Variants in CNOT3 observed in about 807,000 individuals in gnomAD.
The protein encoded by CNOT3 is CCR4-NOT transcription complex subunit 3.
In CNOT3, 2 loss-of-function variants were observed where a neutral mutation model predicts 89.4. The ratio of observed to expected loss-of-function variants is 0.02; its 90% CI spans 0.01 to 0.07. The LOEUF (loss-of-function observed/expected upper bound fraction) is 0.07. CNOT3 is among the 10% of genes least tolerant of loss of function. CNOT3 has a pLI of 1.00. For synonymous variants in CNOT3, 486 were observed against 402.0 expected (o/e 1.21, Z -2.50); for missense variants, 664 against 1,010.2 (o/e 0.66, Z 4.65).
chr19:54,153,913 T>C, intron 17 of CNOT3, 73 bp downstream of exon 17: 1 of 1,594,790 alleles, frequency 6.3e-7, no homozygotes, highest in Non-Finnish European at 8.6e-7. Context: ...CAGCCCCTGC[T>C]GGCCTCTGCT....
In CNOT3 at chr19:54,144,211, G is replaced by GCTTCCT. The variant is rs201464231; in HGVS notation, c.388-17_388-12dup. The GCTTCCT allele has an allele frequency of 2.5e-3, 4,014 of 1,613,726 alleles. 101 individuals are homozygous for GCTTCCT. In the African/African-American group the frequency reaches 0.044, roughly 18 times the overall value. ...GTGTAGGCGGAACCCTAGCTGATGG[G>GCTTCCT]CTTCCTCTTCCTCTCCCTCCCCTAG... On this transcript the variant is annotated intron_variant, in intron 6 of 17. Coordinates refer to ENST00000221232, the MANE Select transcript of CNOT3 (RefSeq NM_014516.4). The surrounding 1 kb of genome is among the most constrained non-coding windows in gnomAD (Gnocchi z 4.8).
chr19:54,147,248 A>T lies in CNOT3; in HGVS notation c.894+591A>T, dbSNP rs776609855. On this transcript the variant is annotated intron_variant, in intron 10 of 17. Coordinates refer to ENST00000221232, the MANE Select transcript of CNOT3 (RefSeq NM_014516.4). Reference sequence around the variant, plus strand: ...AGCACGCTTTCGGAAACGCTGCTACAGAACAATGTTAGGCAGGAGCAGCAT... The same window carrying T: ...AGCACGCTTTCGGAAACGCTGCTACTGAACAATGTTAGGCAGGAGCAGCAT... Among the ~76,000 whole-genome samples, 133 of 152,380 alleles carry T rather than the reference A, an allele frequency of 8.7e-4. 1 individual carries two copies. The highest frequency in any genetic ancestry group is 3.4e-3 in the Middle Eastern group (1 of 292).
Position 54,145,675 on chromosome 19 carries a change from G to C in CNOT3, c.561G>C (p.Leu187=), listed in dbSNP as rs200727273. The change falls in exon 8 of 18, where the codon CTG becomes CTC. Residue 187 remains leucine (L), a synonymous_variant. Coordinates refer to ENST00000221232, the MANE Select transcript of CNOT3 (RefSeq NM_014516.4). This position sits in a 1 kb window ranked among gnomAD's most constrained non-coding sequence, Gnocchi z 5.9. ...RYHVRMLETI[L]RMLDNDSILV... ...ACGTGCGCATGCTAGAGACCATCCT[G>C]CGCATGCTGGACAATGACTCCATCC... 15 of 1,613,574 alleles carry C rather than the reference G, an allele frequency of 9.3e-6. No homozygotes were observed. Among genetic ancestry groups the C allele is most frequent in the Non-Finnish European group, 1.3e-5 (15 of 1,179,618 alleles).
At chr19:54,143,957 G>A in intron 5 of CNOT3, 49 bp from the exon 6 acceptor site, 1 of 1,580,572 alleles carries the variant, frequency 6.3e-7, no homozygotes, top group East Asian at 2.2e-5. Context: ...CCCTTAGTCA[G>A]CTCCTTTCCC....
intron 17 of CNOT3, chr19:54,154,208 G>A (rs2075298680): frequency 4.7e-6 from 2 of 428,688 alleles, no homozygotes; most frequent in Non-Finnish European, 9.1e-6. Flanking sequence ...GAGGGACCTT[G>A]ATGGCCCCCA....
At chr19:54,147,598 C>T (rs36663) in intron 10 of CNOT3, among the ~76,000 whole-genome samples, 2 of 152,018 alleles carry the variant, frequency 1.3e-5, no homozygotes, top group African/African-American at 4.8e-5. Flanking sequence ...CTCAGCAGCC[C>T]GAGTGCTGTC....
At chr19:54,146,913 C>T (rs2074704861) in intron 10 of CNOT3, among the ~76,000 whole-genome samples, 1 of 152,180 alleles carries the variant, frequency 6.6e-6, no homozygotes, top group Non-Finnish European at 1.5e-5. Context: ...CTGGGCTTCA[C>T]AGTCAGGTGA....
Position 54,148,816 on chromosome 19 carries a change from CG to C in CNOT3, c.1406+74del. The C allele has an allele frequency of 6.7e-7, 1 of 1,484,722 alleles. No homozygotes were observed. Among genetic ancestry groups the C allele is most frequent in the East Asian group, 2.4e-5 (1 of 42,104 alleles). 92.0% of individuals were successfully genotyped at this position (1,484,722 alleles called of 1,614,324 possible). On this transcript the variant is annotated intron_variant, in intron 12 of 17. Transcript: ENST00000221232. The surrounding 1 kb of genome is among the most constrained non-coding windows in gnomAD (Gnocchi z 6.3). The stretch of plus-strand genomic sequence containing the variant: ...CAGAGAGGCGCAGGCGCCTCACCCC[CG>C]CATCGGTGGGTTCTGAACCCCCCGC...
chr19:54,148,315 C>A lies in CNOT3; in HGVS notation c.1062C>A (p.Gly354=). 2 of 1,604,256 alleles carry A rather than the reference C, an allele frequency of 1.2e-6. No individual in the cohort carries two copies. Among genetic ancestry groups the A allele is most frequent in the Non-Finnish European group, 1.7e-6 (2 of 1,174,686 alleles). ...CCGCAGCACCCCCAAGTGCCCTGGG[C>A]CCCAAGGCCAGTCCAGCTCCCAGCC... is the stretch of plus-strand genomic sequence containing the variant. The part of the protein sequence containing the change: ...PAPAAPPSAL[G]PKASPAPSHN... Residue 354 remains glycine, a synonymous_variant, in exon 11 of 18, where the codon GGC becomes GGA. Coordinates refer to ENST00000221232, the MANE Select transcript of CNOT3 (RefSeq NM_014516.4). The surrounding 1 kb of genome is among the most constrained non-coding windows in gnomAD (Gnocchi z 6.3).
At chr19:54,151,389 A>AGC (rs1470318637) in intron 13 of CNOT3, among the ~76,000 whole-genome samples, 1 of 152,026 alleles carries the variant, frequency 6.6e-6, no homozygotes, top group Non-Finnish European at 1.5e-5. Flanking sequence ...CAGGGAAGGG[A>AGC]GCCATCCAGT....
intron 17 of CNOT3, 64 bp from the exon 18 acceptor site, chr19:54,155,245 T>C: frequency 6.3e-7 from 1 of 1,591,928 alleles, no homozygotes. Context: ...CTTTGTCTGT[T>C]GGTCCGGCCC....
intron 9 of CNOT3, 115 bp from the exon 10 acceptor site, chr19:54,146,486 T>G: frequency 1.3e-6 from 1 of 743,416 alleles, no homozygotes. Flanking sequence ...TGACCAGCTC[T>G]GGGGCCGCAA....
At chr19:54,146,160 G>A in intron 9 of CNOT3, 117 bp downstream of exon 9, 1 of 1,108,706 alleles carries the variant, frequency 9.0e-7, no homozygotes, top group Non-Finnish European at 1.3e-6. Flanking sequence ...ACAGATCTAG[G>A]TATCCAGGGT....
chr19:54,153,353 T>C lies in CNOT3; in HGVS notation c.2037+354T>C, dbSNP rs372946881. 35 of 760,634 alleles carry C rather than the reference T, an allele frequency of 4.6e-5. No homozygotes were observed. The East Asian group carries it at 7.2e-4, about 16-fold the overall frequency. The allele number at this position is 760,634 out of a possible 1,614,324, so 47.1% of individuals were successfully genotyped here. A position where few individuals can be genotyped will look rare whatever the true frequency, so the allele number is the denominator to read the frequency against. On this transcript the variant is annotated intron_variant, in intron 16 of 17. Coordinates refer to ENST00000221232, the MANE Select transcript of CNOT3 (RefSeq NM_014516.4). Reference sequence around the variant, plus strand: ...TCATTGGCACATTCTCAGGCCTCCCTGGAGACCACTGGGGAGCTGTCCAGC... The same window carrying C: ...TCATTGGCACATTCTCAGGCCTCCCCGGAGACCACTGGGGAGCTGTCCAGC...
chr19:54,155,105 T>C, intron 17 of CNOT3: 1 of 607,308 alleles, frequency 1.6e-6, no homozygotes, highest in Non-Finnish European at 2.8e-6. Flanking sequence ...GCCCCCTCCG[T>C]TTCCTCCTCG....
Position 54,148,203 on chromosome 19 carries a change from C to T in CNOT3, c.950C>T (p.Pro317Leu). Residue 317 changes from proline (P) to leucine (L), a missense_variant, in exon 11 of 18, where the codon CCA becomes CTA. Coordinates refer to ENST00000221232, the MANE Select transcript of CNOT3 (RefSeq NM_014516.4). The surrounding 1 kb of genome is among the most constrained non-coding windows in gnomAD (Gnocchi z 6.3). Reference protein sequence around the residue: ...PVHSNQHPQSPAVPPTYPSGP... With the variant: ...PVHSNQHPQSLAVPPTYPSGP... The stretch of plus-strand genomic sequence containing the variant: ...CACAGCAACCAGCACCCTCAGTCCC[C>T]AGCTGTGCCGCCCACCTACCCCTCC... The T allele has an allele frequency of 6.3e-7, 1 of 1,584,982 alleles. No homozygotes were observed.
chr19:54,145,837 C>A lies in CNOT3; in HGVS notation c.703+20C>A. The A allele has an allele frequency of 6.2e-7, 1 of 1,608,072 alleles. No individual in the cohort carries two copies. Among genetic ancestry groups the A allele is most frequent in the Non-Finnish European group, 8.5e-7 (1 of 1,175,264 alleles). ...ACATTCGTGAGGCCCTGGGGCTGATCGTGGCACAGGAAGTGAGGGCCCAGA... is the reference window on the plus strand; with the variant it reads ...ACATTCGTGAGGCCCTGGGGCTGATAGTGGCACAGGAAGTGAGGGCCCAGA... On this transcript the variant is annotated intron_variant, in intron 8 of 17. Transcript: ENST00000221232. The surrounding 1 kb of genome is among the most constrained non-coding windows in gnomAD (Gnocchi z 5.9).
At position 54,152,344 on chromosome 19, in the gene CNOT3, T is replaced by C. The variant is rs777510608; in HGVS notation, c.1705+19T>C. Reference sequence around the variant, plus strand: ...GAGCGAGGTGAGGGACCCAGGATGGTGGGGAAGCAGCGGGCCAAAGAGGAG... The same window carrying C: ...GAGCGAGGTGAGGGACCCAGGATGGCGGGGAAGCAGCGGGCCAAAGAGGAG... On this transcript the variant is annotated intron_variant, in intron 14 of 17. Coordinates refer to ENST00000221232, the MANE Select transcript of CNOT3 (RefSeq NM_014516.4). 9 of 1,614,034 alleles carry C rather than the reference T, an allele frequency of 5.6e-6. No individual in the cohort carries two copies. Among genetic ancestry groups the C allele is most frequent in the African/African-American group, 1.3e-5 (1 of 75,010 alleles).
rs1330184370 is a variant in CNOT3, at chr19:54,145,587, C to T, written c.484-11C>T. The T allele has an allele frequency of 6.2e-7, 1 of 1,607,580 alleles. No individual in the cohort carries two copies. Reference sequence around the variant, plus strand: ...TGCAGCCCCTGAGCCTGGCCCTGGGCTCGCCAGCAGAAGCAGGACCGGATT... The same window carrying T: ...TGCAGCCCCTGAGCCTGGCCCTGGGTTCGCCAGCAGAAGCAGGACCGGATT... On this transcript the variant is annotated splice_polypyrimidine_tract_variant and intron_variant, in intron 7 of 17. Coordinates refer to ENST00000221232, the MANE Select transcript of CNOT3 (RefSeq NM_014516.4). This position sits in a 1 kb window ranked among gnomAD's most constrained non-coding sequence, Gnocchi z 5.9.
Sources: allele counts gnomAD v4.1 joint callset (sites outside exome capture counted in the v4.1 genomes callset), GRCh38; gene constraint gnomAD v4.1.1; non-coding constraint Gnocchi (gnomAD v3.1); transcripts MANE v1.5; gene names NCBI Gene and HGNC (gene_info 2026-07-23, HGNC 2026-07-21).